The following KIF1A variants were observed in gnomAD, a reference collection of about 807,000 sequenced individuals.
KIF1A encodes kinesin family member 1A.
KIF1A carries 46 observed loss-of-function variants against 227.3 expected under a neutral mutation model. That is an observed-to-expected ratio of 0.20 (90% CI 0.16 to 0.26). KIF1A has a LOEUF of 0.26. Among genes scored for constraint, KIF1A ranks in the 10% least tolerant of loss-of-function variants. The pLI, the probability that KIF1A is intolerant of heterozygous loss-of-function variation, is 1.00. For synonymous variants in KIF1A, 1,022 were observed against 1,012.8 expected (o/e 1.01, Z -0.17); for missense variants, 1,683 against 2,485.9 (o/e 0.68, Z 6.87).
At chr2:240,738,142 G>A (rs759079265) in intron 37 of KIF1A, among the ~76,000 whole-genome samples, 28 of 152,336 alleles carry the variant, frequency 1.8e-4, no homozygotes, top group South Asian at 1.0e-3. Flanking sequence ...CTCAGCCCTC[G>A]GGGAGGGGAG....
At position 240,757,474 on chromosome 2, in the gene KIF1A, G is replaced by A. The variant is rs578211207; in HGVS notation, c.2703C>T (p.Ala901=). The A allele has an allele frequency of 2.1e-5, 33 of 1,550,348 alleles. 1 individual carries two copies. The highest frequency in any genetic ancestry group is 1.5e-4 in the South Asian group (13 of 83,972). ...CCTCCTCCCCCACGCTCTGCTCCTCGGCAGGCTCGGTGGCGTCGGAGTCGG... is the reference window on the plus strand; with the variant it reads ...CCTCCTCCCCCACGCTCTGCTCCTCAGCAGGCTCGGTGGCGTCGGAGTCGG... ...SSPDSDATEP[A]EEQSVGEEEE... The change falls in exon 27 of 49, where the codon GCC becomes GCT. Residue 901 remains alanine (A), a synonymous_variant. Coordinates refer to ENST00000498729, the MANE Select transcript of KIF1A (RefSeq NM_001244008.2). This position sits in a 1 kb window ranked among gnomAD's most constrained non-coding sequence, Gnocchi z 6.2.
chr2:240,749,685 A>G (rs1248287174), intron 28 of KIF1A, among the ~76,000 whole-genome samples: 2 of 150,644 alleles, frequency 1.3e-5, no homozygotes, highest in Non-Finnish European at 3.0e-5. Flanking sequence ...CAACATTCCT[A>G]TCAGGTGGGG....
rs967629867 is a variant in KIF1A at position 240,773,369 on chromosome 2, C to T, written c.1038-113G>A. On this transcript the variant is annotated intron_variant, in intron 12 of 48. Transcript: ENST00000498729. The stretch of plus-strand genomic sequence containing the variant: ...CAGCCTTTTGGGCTCAGCAGCCAGG[C>T]CAAAGGTGGACCTGAGCCAGCACAG... 22 of 1,343,376 alleles carry T rather than the reference C, an allele frequency of 1.6e-5. No homozygotes were observed. The African/African-American group carries it at 2.3e-4, about 14-fold the overall frequency. The allele number at this position is 1,343,376 out of a possible 1,614,324, so 83.2% of individuals were successfully genotyped here.
intron 27 of KIF1A, among the ~76,000 whole-genome samples, chr2:240,754,674 A>G (rs919194674): frequency 2.2e-4 from 33 of 152,294 alleles, no homozygotes; most frequent in Middle Eastern, 3.4e-3. Flanking sequence ...TCTAGGTGCC[A>G]GAAATAACCT....
chr2:240,742,917 G>A lies in KIF1A; in HGVS notation c.3640+12C>T, dbSNP rs1403885809. ...CTCACTGCCCTGAGACGGCTCCAGA[G>A]ACCCTTCCTACCTGGCTTGGACAGT... is the stretch of plus-strand genomic sequence containing the variant. On this transcript the variant is annotated intron_variant, in intron 34 of 48. Transcript: ENST00000498729. The A allele has an allele frequency of 5.0e-6, 8 of 1,609,762 alleles. No homozygotes were observed. The highest frequency in any genetic ancestry group is 6.8e-6 in the Non-Finnish European group (8 of 1,178,156).
At chr2:240,762,276 A>C (rs2050624792) in intron 23 of KIF1A, among the ~76,000 whole-genome samples, 1 of 152,196 alleles carries the variant, frequency 6.6e-6, no homozygotes, top group African/African-American at 2.4e-5. Flanking sequence ...GCACATGCTC[A>C]CTGAGGGAAT....
chr2:240,724,134 G>T (rs2045718671), intron 40 of KIF1A, 98 bp from the exon 41 acceptor site: 1 of 1,053,884 alleles, frequency 9.5e-7, no homozygotes, highest in Non-Finnish European at 1.5e-6. Context: ...CAAACGCACA[G>T]TCAGCCTGGC....
chr2:240,715,994 T>C lies in KIF1A; in HGVS notation c.*1370A>G, dbSNP rs756419691. ...GGGCCCTAAAACCTCCCTAGGCCTC[T>C]GGACATGACTCCTATGACCAGACTC... On this transcript the variant is annotated 3_prime_UTR_variant, in exon 49 of 49. Coordinates refer to ENST00000498729, the MANE Select transcript of KIF1A (RefSeq NM_001244008.2). The C allele has an allele frequency of 2.0e-5, 3 of 152,260 alleles. No individual in the cohort carries two copies. The highest frequency in any genetic ancestry group is 4.4e-5 in the Non-Finnish European group (3 of 68,042). The allele number at this position is 152,260 out of a possible 1,614,324, so 9.4% of individuals were successfully genotyped here. A position where few individuals can be genotyped will look rare whatever the true frequency, so the allele number is the denominator to read the frequency against.
chr2:240,719,068 A>G lies in KIF1A; in HGVS notation c.5152T>C (p.Phe1718Leu). ...YNSDKDTVERFVLNLATAQVE... is the reference protein window; with the variant it reads ...YNSDKDTVERLVLNLATAQVE... ...TGGGCAGTGGCCAGGTTGAGCACGA[A>G]CCGCTCCACGGTGTCCTTGTCGCTG... is the stretch of plus-strand genomic sequence containing the variant. Residue 1718 changes from phenylalanine (F) to leucine (L), a missense_variant, in exon 47 of 49, where the codon TTC becomes CTC. Transcript: ENST00000498729. 1 of 1,612,296 alleles carries G rather than the reference A, an allele frequency of 6.2e-7. No individual in the cohort carries two copies. The highest frequency in any genetic ancestry group is 8.5e-7 in the Non-Finnish European group (1 of 1,179,616).
chr2:240,777,292 C>G (rs1051896724), intron 10 of KIF1A, among the ~76,000 whole-genome samples: 5 of 152,216 alleles, frequency 3.3e-5, no homozygotes, highest in Non-Finnish European at 7.3e-5. Flanking sequence ...GATCCACCCA[C>G]CTCGGGCTCC....
rs201733233 is a variant in KIF1A at position 240,719,150 on chromosome 2, C to T, written c.5070G>A (p.Thr1690=). The T allele has an allele frequency of 1.0e-4, 166 of 1,612,246 alleles. No homozygotes were observed. Among genetic ancestry groups the T allele is most frequent in the South Asian group, 4.4e-4 (40 of 91,004 alleles). Residue 1690 remains threonine (T), a synonymous_variant, in exon 47 of 49, where the codon ACG becomes ACA. Transcript: ENST00000498729. ...KGYLHFLEPH[T]SGWARRFVVV... is the part of the protein sequence containing the mutation. ...CCACGAAGCGCCTGGCCCAGCCTGA[C>T]GTGTGCGGCTCCAGGAAGTGCAGGT...
At position 240,750,019 on chromosome 2, in the gene KIF1A, CTG is replaced by C. The variant is rs2049029695; in HGVS notation, c.2977+408_2977+409del. On this transcript the variant is annotated intron_variant, in intron 28 of 48. Transcript: ENST00000498729. ...AATGTGTTGACAGAGAGCACTTGCT[CTG>C]CAGCAGGCTGGGGGAGGGATCCAGG... Among the ~76,000 whole-genome samples, 3 of 152,244 alleles carry C rather than the reference CTG, an allele frequency of 2.0e-5. No individual in the cohort carries two copies. The South Asian group carries it at 6.2e-4, about 32-fold the overall frequency.
chr2:240,798,077 G>C, intron 1 of KIF1A: 1 of 250,116 alleles, frequency 4.0e-6, no homozygotes, highest in Non-Finnish European at 7.7e-6. Flanking sequence ...ACCTGGGTGT[G>C]AACGTGAAGG....
rs765920658 is a variant in KIF1A, at chr2:240,797,720, C to G, written c.33G>C (p.Arg11=). The part of the protein sequence containing the change: MAGASVKVAV[R]VRPFNSREMS... Reference sequence around the variant, plus strand: ...TTTCCCGGGAATTGAAGGGGCGGACCCGCACCGCCACCTTCACCGAAGCCC... The same window carrying G: ...TTTCCCGGGAATTGAAGGGGCGGACGCGCACCGCCACCTTCACCGAAGCCC... The change falls in exon 2 of 49, where the codon CGG becomes CGC. Residue 11 remains arginine, a synonymous_variant. Transcript: ENST00000498729. 3 of 1,611,958 alleles carry G rather than the reference C, an allele frequency of 1.9e-6. No individual in the cohort carries two copies. Among genetic ancestry groups the G allele is most frequent in the Admixed American group, 3.3e-5 (2 of 59,950 alleles).
Position 240,723,537 on chromosome 2 carries a change from C to G in KIF1A, c.4340G>C (p.Arg1447Pro). 5 of 1,540,902 alleles carry G rather than the reference C, an allele frequency of 3.2e-6. No homozygotes were observed. The highest frequency in any genetic ancestry group is 4.4e-6 in the Non-Finnish European group (5 of 1,139,508). Reference sequence around the variant, plus strand: ...ATAGGCCACAGATGTGTCCAGGACTCGTCGGCGCCGGCGCTGCATCCCTGC... The same window carrying G: ...ATAGGCCACAGATGTGTCCAGGACTGGTCGGCGCCGGCGCTGCATCCCTGC... ...GSPGMQRRRR[R>P]VLDTSVAYVR... The change falls in exon 42 of 49, where the codon CGA becomes CCA. Residue 1447 changes from arginine (R) to proline (P), a missense_variant. Arg to Pro is a moderately radical substitution (Grantham distance 103). Coordinates refer to ENST00000498729, the MANE Select transcript of KIF1A (RefSeq NM_001244008.2).
In KIF1A at chr2:240,765,669, C is replaced by T. The variant is rs570999069; in HGVS notation, c.1768+41G>A. On this transcript the variant is annotated intron_variant, in intron 20 of 48. Coordinates refer to ENST00000498729, the MANE Select transcript of KIF1A (RefSeq NM_001244008.2). ...ATGGGAACAGAGGCCTCGCCTCATG[C>T]CTCTGCCTACCTGACTGGCCCCCGG... is the stretch of plus-strand genomic sequence containing the variant. 1.5e-4 allele frequency: 219 copies of T among 1,499,506 alleles called. 1 individual carries two copies. The South Asian group carries it at 2.3e-3, about 16-fold the overall frequency. The allele number at this position is 1,499,506 out of a possible 1,614,324, so 92.9% of individuals were successfully genotyped here. A position where few individuals can be genotyped will look rare whatever the true frequency, so the allele number is the denominator to read the frequency against.
At chr2:240,815,914 A>T (rs890808267) in intron 1 of KIF1A, among the ~76,000 whole-genome samples, 2 of 152,096 alleles carry the variant, frequency 1.3e-5, no homozygotes, top group African/African-American at 4.8e-5. Context: ...GTGGCATGGG[A>T]TAAAGGGAAG....
chr2:240,771,626 C>A (rs2052005588), intron 14 of KIF1A, among the ~76,000 whole-genome samples: 1 of 152,170 alleles, frequency 6.6e-6, no homozygotes, highest in Non-Finnish European at 1.5e-5. Context: ...GCGCCCCGTG[C>A]AGACCCCCAC....
In KIF1A at chr2:240,793,051, A is replaced by G. The variant is rs1002004754; in HGVS notation, c.107-3739T>C. Among the ~76,000 whole-genome samples, 1 of 152,206 alleles carries G rather than the reference A, an allele frequency of 6.6e-6. No homozygotes were observed. Among genetic ancestry groups the G allele is most frequent in the Non-Finnish European group, 1.5e-5 (1 of 68,036 alleles). On this transcript the variant is annotated intron_variant, in intron 2 of 48. Transcript: ENST00000498729. The surrounding 1 kb of genome is among the most constrained non-coding windows in gnomAD (Gnocchi z 4.8). ...GGGGGGGGACATTTCTGTCATTTGA[A>G]GCCATTCAGCATGTAGCCCTCTGTA...
Sources: gnomAD v4.1 joint callset for allele counts (sites outside exome capture counted in the v4.1 genomes callset) on GRCh38, gnomAD v4.1.1 for gene constraint, Gnocchi (gnomAD v3.1) non-coding constraint, MANE v1.5 for transcripts, NCBI Gene and HGNC (gene_info 2026-07-23, HGNC 2026-07-21) for gene names.